The following HIVEP3 variants were observed in gnomAD, a reference collection of about 807,000 sequenced individuals.
HIVEP3 encodes transcription factor HIVEP3.
Under a neutral mutation model 152.8 loss-of-function variants are expected in HIVEP3, and 49 were observed. The observed-to-expected ratio is 0.32, with a 90% CI of 0.26 to 0.41. The LOEUF is 0.41. Among genes scored for constraint, HIVEP3 ranks in the 10% least tolerant of loss-of-function variants. HIVEP3 has a pLI of 1.00. For missense variants in HIVEP3, 2,790 were observed against 3,103.3 expected (o/e 0.90, Z 2.40); for synonymous variants, 1,269 against 1,289.0 (o/e 0.98, Z 0.33).
chr1:42,016,168 C>T (rs569258336), intron 1 of HIVEP3, among the ~76,000 whole-genome samples: 19 of 152,258 alleles, frequency 1.2e-4, no homozygotes, highest in African/African-American at 4.1e-4. Context: ...TGTGAGCAAA[C>T]GTACAGAAAA....
chr1:41,601,436 T>G (rs1394959559), intron 3 of HIVEP3, among the ~76,000 whole-genome samples: 1 of 152,166 alleles, frequency 6.6e-6, no homozygotes, highest in Non-Finnish European at 1.5e-5. Flanking sequence ...TTATTAAATG[T>G]TTTGTAGTTT....
At chr1:41,518,629 G>A (rs1642675840) in intron 6 of HIVEP3, 141 bp from the exon 7 acceptor site, 7 of 765,498 alleles carry the variant, frequency 9.1e-6, no homozygotes, top group South Asian at 1.5e-5. Flanking sequence ...GGCTGGGCAG[G>A]AGCTGGGGTA....
At chr1:41,770,542 A>C (rs1648287133) in intron 1 of HIVEP3, among the ~76,000 whole-genome samples, 1 of 152,140 alleles carries the variant, frequency 6.6e-6, no homozygotes, top group African/African-American at 2.4e-5. Flanking sequence ...AGCAATAAAT[A>C]TTATTGTTGT....
chr1:41,880,878 C>T (rs1172800352), intron 1 of HIVEP3, among the ~76,000 whole-genome samples: 1 of 152,206 alleles, frequency 6.6e-6, no homozygotes, highest in African/African-American at 2.4e-5. Flanking sequence ...GGGCCACATT[C>T]TCTAGTACTA....
At chr1:41,937,250 G>A (rs548803313) in intron 1 of HIVEP3, among the ~76,000 whole-genome samples, 5 of 152,142 alleles carry the variant, frequency 3.3e-5, no homozygotes, top group African/African-American at 1.2e-4. Context: ...AGTTCACATG[G>A]AGCCTACCCC....
Position 41,664,862 on chromosome 1 carries a change from T to A in HIVEP3, c.-720-35915A>T, listed in dbSNP as rs1645770039. On this transcript the variant is annotated intron_variant, in intron 2 of 8. Coordinates refer to ENST00000372583, the MANE Select transcript of HIVEP3 (RefSeq NM_024503.5). The surrounding 1 kb of genome is among the most constrained non-coding windows in gnomAD (Gnocchi z 4.4). ...CATCAGGGAGCCTGGGATATCCCCATGCCAACCCCCCAAAACACGGAGTCC... is the reference window on the plus strand; with the variant it reads ...CATCAGGGAGCCTGGGATATCCCCAAGCCAACCCCCCAAAACACGGAGTCC... 6.6e-6 allele frequency among the ~76,000 whole-genome samples: 1 copy of A among 152,172 alleles called. No individual in the cohort carries two copies. The highest frequency in any genetic ancestry group is 2.4e-5 in the African/African-American group (1 of 41,434).
chr1:41,891,068 C>G (rs534328054), intron 1 of HIVEP3, among the ~76,000 whole-genome samples: 23 of 152,252 alleles, frequency 1.5e-4, no homozygotes, highest in African/African-American at 5.5e-4. Context: ...ATGGCCACTG[C>G]CACCTGACCA....
chr1:41,610,696 A>T (rs1353938657), intron 3 of HIVEP3, among the ~76,000 whole-genome samples: 1 of 152,226 alleles, frequency 6.6e-6, no homozygotes, highest in Non-Finnish European at 1.5e-5. Context: ...AGCTCCACCC[A>T]GGGAGCCCGG....
chr1:41,642,927 A>G (rs1048258614), intron 2 of HIVEP3, among the ~76,000 whole-genome samples: 5 of 152,134 alleles, frequency 3.3e-5, no homozygotes, highest in African/African-American at 9.7e-5. Flanking sequence ...CATCTGAGGC[A>G]TGTGTGGAAG....
At chr1:41,977,243 C>A (rs1224355902) in intron 1 of HIVEP3, among the ~76,000 whole-genome samples, 5 of 152,066 alleles carry the variant, frequency 3.3e-5, no homozygotes, top group African/African-American at 9.7e-5. Context: ...CTTGACAGGG[C>A]AGTAGATGAA....
intron 1 of HIVEP3, among the ~76,000 whole-genome samples, chr1:41,807,030 C>T (rs1316685549): frequency 6.6e-6 from 1 of 152,190 alleles, no homozygotes; most frequent in Non-Finnish European, 1.5e-5. Flanking sequence ...CCCCGCCCAG[C>T]CCACCTACGG....
At chr1:41,591,276 G>T (rs139055765) in intron 3 of HIVEP3, among the ~76,000 whole-genome samples, 1 of 152,182 alleles carries the variant, frequency 6.6e-6, no homozygotes, top group East Asian at 1.9e-4. Context: ...GAATTCGGAG[G>T]TCAAAGCAGG....
intron 5 of HIVEP3, among the ~76,000 whole-genome samples, chr1:41,555,935 G>A (rs1643959257): frequency 6.6e-6 from 1 of 152,122 alleles, no homozygotes; most frequent in East Asian, 1.9e-4. Context: ...TGTCCTCAAG[G>A]TTCATCCACG....
intron 1 of HIVEP3, among the ~76,000 whole-genome samples, chr1:41,953,564 A>C (rs2124492965): frequency 6.6e-6 from 1 of 152,294 alleles, no homozygotes; most frequent in South Asian, 2.1e-4. Flanking sequence ...CCCATAAGAA[A>C]GATTTCTTAC....
In HIVEP3 at chr1:41,898,634, G is replaced by A. The variant is rs142512713; in HGVS notation, c.-801+19779C>T. 4.0e-3 allele frequency among the ~76,000 whole-genome samples: 605 copies of A among 152,328 alleles called. 7 individuals are homozygous for A. The highest frequency in any genetic ancestry group is 0.014 in the African/African-American group (589 of 41,566). ...ACCTCTGCATGCTGGAGATACACAGGACGTGGAATAAGTCCTCTCTGAGAA... is the reference window on the plus strand; with the variant it reads ...ACCTCTGCATGCTGGAGATACACAGAACGTGGAATAAGTCCTCTCTGAGAA... On this transcript the variant is annotated intron_variant, in intron 1 of 8. Coordinates refer to ENST00000372583, the MANE Select transcript of HIVEP3 (RefSeq NM_024503.5).
chr1:41,728,665 C>T (rs750789581), intron 1 of HIVEP3, among the ~76,000 whole-genome samples: 3 of 152,216 alleles, frequency 2.0e-5, no homozygotes, highest in Non-Finnish European at 4.4e-5. Context: ...GGGGATGCTA[C>T]AGTCAGCTCT....
At chr1:41,527,238 TCA>T (rs1252507298) in intron 5 of HIVEP3, among the ~76,000 whole-genome samples, 1 of 30,864 alleles carries the variant, frequency 3.2e-5, no homozygotes, top group African/African-American at 1.6e-4. Flanking sequence ...CCTCACACAC[TCA>T]CCTCACACAC....
chr1:41,672,155 T>G (rs1645887340), intron 2 of HIVEP3, among the ~76,000 whole-genome samples: 1 of 152,180 alleles, frequency 6.6e-6, no homozygotes, highest in Admixed American at 6.5e-5. Flanking sequence ...AGAGCCACTT[T>G]CCCTGTTGAC....
At chr1:41,671,640 T>G (rs79724016) in intron 2 of HIVEP3, among the ~76,000 whole-genome samples, 3,920 of 152,320 alleles carry the variant, frequency 0.026, 73 homozygotes, top group Middle Eastern at 0.054. Context: ...AGGCTCCGCC[T>G]CACGCAGAAC....
Sources: allele counts gnomAD v4.1 joint callset (sites outside exome capture counted in the v4.1 genomes callset), GRCh38; gene constraint gnomAD v4.1.1; non-coding constraint Gnocchi (gnomAD v3.1); transcripts MANE v1.5; gene names NCBI Gene and HGNC (gene_info 2026-07-23, HGNC 2026-07-21).